The following FAM107A variants were observed in gnomAD, a reference collection of about 807,000 sequenced individuals.
FAM107A encodes family with sequence similarity 107 member A, also known as actin-associated protein FAM107A.
FAM107A carries 19 observed loss-of-function variants against 13.7 expected under a neutral mutation model. The observed-to-expected ratio is 1.38, with a 90% CI of 0.97 to 2.03. The LOEUF (loss-of-function observed/expected upper bound fraction) is 2.03, where lower values mean the gene tolerates loss of function less well. Among genes scored for constraint, FAM107A ranks in the 30% most tolerant of loss-of-function variants. The probability of loss-of-function intolerance (pLI) is 0.00; values close to 1 mark genes in which losing one functional copy is unlikely to be tolerated. For synonymous variants in FAM107A, 82 were observed against 74.5 expected (o/e 1.10, Z -0.52); for missense variants, 203 against 184.4 (o/e 1.10, Z -0.58).
intron 1 of FAM107A, among the ~76,000 whole-genome samples, chr3:58,595,463 C>T (rs1357943609): frequency 1.3e-5 from 2 of 152,144 alleles, no homozygotes; most frequent in Admixed American, 6.5e-5. Flanking sequence ...ACAATACACC[C>T]TCCCTGCCCT....
At chr3:58,600,134 G>T (rs1054534068) in intron 1 of FAM107A, among the ~76,000 whole-genome samples, 8 of 151,958 alleles carry the variant, frequency 5.3e-5, no homozygotes, top group Non-Finnish European at 7.4e-5. Flanking sequence ...CCTTCTTCTG[G>T]GTCTTTTGAT....
chr3:58,566,435 G>C lies in FAM107A; in HGVS notation c.*153C>G, dbSNP rs2063621697. The C allele has an allele frequency of 1.6e-6, 1 of 618,460 alleles. No homozygotes were observed. The highest frequency in any genetic ancestry group is 3.0e-5 in the Admixed American group (1 of 33,750). The allele number at this position is 618,460 out of a possible 1,614,324, so 38.3% of individuals were successfully genotyped here. ...CTTAGGGGCCCCAGCCTCCCAGGGA[G>C]AGCCAGGCCCTCTGGGGTGACACAT... On this transcript the variant is annotated 3_prime_UTR_variant, in exon 4 of 4. Transcript: ENST00000360997.
At chr3:58,578,211 A>T (rs548602837), upstream of FAM107A, among the ~76,000 whole-genome samples, 5 of 152,342 alleles carry the variant, frequency 3.3e-5, no homozygotes, top group South Asian at 8.3e-4. Context: ...AGCATGGTGC[A>T]TTTTGCCTGG....
At chr3:58,598,508 G>C (rs1287314682) in intron 1 of FAM107A, among the ~76,000 whole-genome samples, 2 of 152,188 alleles carry the variant, frequency 1.3e-5, no homozygotes, top group Non-Finnish European at 2.9e-5. Flanking sequence ...CCACCCCCCA[G>C]CAGGCAGCAG....
chr3:58,573,773 C>T (rs2063707385), intron 1 of FAM107A: 1 of 152,388 alleles, frequency 6.6e-6, no homozygotes, highest in African/African-American at 2.4e-5. Context: ...CCTCCCTACC[C>T]TCTGGAGCTG....
intron 1 of FAM107A, among the ~76,000 whole-genome samples, chr3:58,610,246 C>T (rs1223695081): frequency 6.6e-6 from 1 of 152,182 alleles, no homozygotes; most frequent in Non-Finnish European, 1.5e-5. Context: ...GGTTGCCTTT[C>T]ATAGATGAGG....
At chr3:58,567,109 T>G in intron 3 of FAM107A, 99 bp downstream of exon 3, 1 of 1,424,104 alleles carries the variant, frequency 7.0e-7, no homozygotes, top group Non-Finnish European at 9.9e-7. Context: ...CTCTGTCTGC[T>G]GATCCTCTTC....
intron 1 of FAM107A, among the ~76,000 whole-genome samples, chr3:58,620,706 C>T (rs953765812): frequency 8.5e-5 from 13 of 152,320 alleles, no homozygotes; most frequent in African/African-American, 1.4e-4. Flanking sequence ...GAGGGTGGGC[C>T]GGATGTCCCA....
upstream of FAM107A, among the ~76,000 whole-genome samples, chr3:58,592,109 G>C (rs770195656): frequency 1.3e-5 from 2 of 152,190 alleles, no homozygotes; most frequent in Non-Finnish European, 2.9e-5. Flanking sequence ...AAGAGGGAGA[G>C]TGTTCGTGGT....
At chr3:58,622,337 A>C (rs576422694) in intron 1 of FAM107A, among the ~76,000 whole-genome samples, 1 of 152,330 alleles carries the variant, frequency 6.6e-6, no homozygotes, top group African/African-American at 2.4e-5. Flanking sequence ...GTTACTTGGG[A>C]GACTGAGGCA....
At chr3:58,600,600 C>T (rs753515033) in intron 1 of FAM107A, among the ~76,000 whole-genome samples, 25 of 152,318 alleles carry the variant, frequency 1.6e-4, no homozygotes, top group South Asian at 1.0e-3. Flanking sequence ...ATAGAATGTT[C>T]TGAGAGGATG....
intron 1 of FAM107A, among the ~76,000 whole-genome samples, chr3:58,623,219 T>G (rs2065975392): frequency 6.6e-6 from 1 of 152,182 alleles, no homozygotes; most frequent in Admixed American, 6.5e-5. Context: ...AGTGCTTCTA[T>G]TTTTTTCCCC....
Position 58,617,789 on chromosome 3 carries a change from ACT to A in FAM107A, c.-70+9625_-70+9626del, listed in dbSNP as rs1444060373. 6.6e-6 allele frequency among the ~76,000 whole-genome samples: 1 copy of A among 151,940 alleles called. No individual in the cohort carries two copies. Among genetic ancestry groups the A allele is most frequent in the Admixed American group, 6.6e-5 (1 of 15,256 alleles). On this transcript the variant is annotated intron_variant, in intron 1 of 3. Coordinates refer to the FAM107A transcript ENST00000465970. The surrounding 1 kb of genome is among the most constrained non-coding windows in gnomAD (Gnocchi z 4.5). ...GGAGTGGAGCCACTACCTACTATTAACTCTGCCTTGCACAAGGTGAAGATTTA... is the reference window on the plus strand; with the variant it reads ...GGAGTGGAGCCACTACCTACTATTAACTGCCTTGCACAAGGTGAAGATTTA...
intron 1 of FAM107A, among the ~76,000 whole-genome samples, chr3:58,612,846 C>T (rs560019932): frequency 1.3e-3 from 192 of 152,182 alleles, no homozygotes; most frequent in Admixed American, 3.2e-3. Context: ...CTCTCATCAC[C>T]GCCCCCTTGC....
upstream of FAM107A, chr3:58,587,249 G>C (rs931204085): frequency 2.0e-6 from 1 of 499,934 alleles, no homozygotes; most frequent in Non-Finnish European, 3.0e-6. Flanking sequence ...TTCCAGCCTC[G>C]GTCTCCCACC....
At chr3:58,575,017 G>C (rs547947446) in intron 1 of FAM107A, among the ~76,000 whole-genome samples, 1 of 152,308 alleles carries the variant, frequency 6.6e-6, no homozygotes, top group South Asian at 2.1e-4. Flanking sequence ...ATGGAGTCTC[G>C]GGGCCCAGTT....
intron 1 of FAM107A, among the ~76,000 whole-genome samples, chr3:58,597,303 T>C (rs1440724854): frequency 6.6e-6 from 1 of 152,260 alleles, no homozygotes; most frequent in Admixed American, 6.5e-5. Context: ...TATTGTACTT[T>C]TGACATCTTT....
chr3:58,603,688 C>G (rs1215358049), intron 1 of FAM107A, among the ~76,000 whole-genome samples: 1 of 152,090 alleles, frequency 6.6e-6, no homozygotes, highest in East Asian at 1.9e-4. Context: ...AAGAGGGTAA[C>G]CTGCAAGATG....
rs149652590 is a variant in FAM107A at position 58,609,965 on chromosome 3, T to A, written c.-70+17451A>T. Reference sequence around the variant, plus strand: ...GCTTAGAATGGCACTTGGCATACAGTGTGCAGGAAGTGCACATTACTGACA... The same window carrying A: ...GCTTAGAATGGCACTTGGCATACAGAGTGCAGGAAGTGCACATTACTGACA... On this transcript the variant is annotated intron_variant, in intron 1 of 3. Transcript: ENST00000465970. Among the ~76,000 whole-genome samples, 72 of 152,364 alleles carry A rather than the reference T, an allele frequency of 4.7e-4. No homozygotes were observed. The East Asian group carries it at 0.013, about 28-fold the overall frequency.
Sources: allele counts gnomAD v4.1 joint callset (sites outside exome capture counted in the v4.1 genomes callset), GRCh38; gene constraint gnomAD v4.1.1; non-coding constraint Gnocchi (gnomAD v3.1); transcripts MANE v1.5; gene names NCBI Gene and HGNC (gene_info 2026-07-23, HGNC 2026-07-21).